B4GALT5: variants seen among roughly 807,000 people sequenced by gnomAD.
B4GALT5 encodes the protein beta-1,4-galactosyltransferase 5.
In B4GALT5, 11 loss-of-function variants were observed where a neutral mutation model predicts 45.0. The observed-to-expected ratio is 0.24, with a 90% confidence interval of 0.15 to 0.40. B4GALT5 has a LOEUF of 0.40. Ranked by LOEUF, B4GALT5 falls within the 10% of genes least tolerant of loss-of-function variation. The pLI, the probability that B4GALT5 is intolerant of heterozygous loss-of-function variation, is 1.00. For synonymous variants in B4GALT5, 185 were observed against 182.9 expected (o/e 1.01, Z -0.09); for missense variants, 337 against 500.2 (o/e 0.67, Z 3.11).
chr20:49,662,217 C>T (rs1274017276), intron 1 of B4GALT5, among the ~76,000 whole-genome samples: 3 of 152,132 alleles, frequency 2.0e-5, no homozygotes, highest in African/African-American at 4.8e-5. Context: ...AAACCATTCC[C>T]TTCCTGACCA....
intron 1 of B4GALT5, among the ~76,000 whole-genome samples, chr20:49,667,538 C>A (rs1032768199): frequency 5.9e-5 from 9 of 151,474 alleles, no homozygotes; most frequent in African/African-American, 2.2e-4. Flanking sequence ...CAGGTGTGAG[C>A]CACCGCGCCC....
intron 2 of B4GALT5, among the ~76,000 whole-genome samples, chr20:49,655,627 G>C (rs2085639390): frequency 6.6e-6 from 1 of 151,818 alleles, no homozygotes; most frequent in African/African-American, 2.4e-5. Flanking sequence ...TTCAGTTTTT[G>C]AAAGAGTTGA....
Position 49,640,652 on chromosome 20 carries a change from G to C in B4GALT5, c.620C>G (p.Pro207Arg). ...GTTGAAAAGCATGGCTCGATTAAAG[G>C]GTTGGGTACCAACCTAAAAGAAACA... ...FYVVEQVGTQ[P>R]FNRAMLFNVG... is the part of the protein sequence containing the mutation. The change falls in exon 6 of 9, where the codon CCC becomes CGC. Residue 207 changes from proline to arginine, a missense_variant. By Grantham distance (103) the Pro-to-Arg change is moderately radical (BLOSUM62 -2). Transcript: ENST00000371711. The C allele has an allele frequency of 6.2e-7, 1 of 1,604,648 alleles. No individual in the cohort carries two copies.
At chr20:49,688,045 A>C (rs879817947) in intron 1 of B4GALT5, among the ~76,000 whole-genome samples, 8 of 152,140 alleles carry the variant, frequency 5.3e-5, no homozygotes, top group Non-Finnish European at 1.2e-4. Context: ...GGTGCCAGGA[A>C]GGAGGCTGAG....
chr20:49,708,095 A>T (rs1226468568), intron 1 of B4GALT5, among the ~76,000 whole-genome samples: 1 of 150,832 alleles, frequency 6.6e-6, no homozygotes, highest in Admixed American at 6.6e-5. Context: ...AAAAAAAAAA[A>T]ATAGCTGGGC....
chr20:49,677,869 C>T (rs1235954600), intron 1 of B4GALT5, among the ~76,000 whole-genome samples: 4 of 152,210 alleles, frequency 2.6e-5, no homozygotes, highest in Admixed American at 2.6e-4. Flanking sequence ...CCTCAGCCTC[C>T]TGAGTAGCTG....
At chr20:49,708,981 T>C (rs899176597) in intron 1 of B4GALT5, among the ~76,000 whole-genome samples, 7 of 151,746 alleles carry the variant, frequency 4.6e-5, no homozygotes, top group Non-Finnish European at 5.9e-5. Context: ...CCCCTAACCA[T>C]GCACAGGCAC....
intron 7 of B4GALT5, among the ~76,000 whole-genome samples, 159 bp downstream of exon 7, chr20:49,639,519 A>G (rs1007429080): frequency 7.2e-5 from 11 of 152,188 alleles, no homozygotes; most frequent in Middle Eastern, 3.4e-3. Flanking sequence ...GTGAGCCATC[A>G]CAGCTGGTCA....
At chr20:49,673,471 CT>C (rs2085724457) in intron 1 of B4GALT5, among the ~76,000 whole-genome samples, 1 of 152,092 alleles carries the variant, frequency 6.6e-6, no homozygotes, top group South Asian at 2.1e-4. Context: ...GGCCTGAACT[CT>C]TTCTCAAAGA....
intron 7 of B4GALT5, among the ~76,000 whole-genome samples, chr20:49,639,302 T>TATTTTTAA (rs2085566141): frequency 6.6e-6 from 1 of 152,206 alleles, no homozygotes; most frequent in Non-Finnish European, 1.5e-5. Flanking sequence ...TTTTTTAAGA[T>TATTTTTAA]ATTAAGATAT....
chr20:49,648,074 T>C (rs1243682326), intron 2 of B4GALT5, among the ~76,000 whole-genome samples: 1 of 152,238 alleles, frequency 6.6e-6, no homozygotes, highest in Non-Finnish European at 1.5e-5. Flanking sequence ...AGAGCTCTTG[T>C]TTCCTGAATG....
chr20:49,657,750 G>C (rs551319271), intron 1 of B4GALT5, among the ~76,000 whole-genome samples: 3 of 152,078 alleles, frequency 2.0e-5, no homozygotes, highest in Non-Finnish European at 4.4e-5. Context: ...TGTGGATTCC[G>C]GCTCTTTGAC....
chr20:49,689,196 G>C (rs927005012), intron 1 of B4GALT5, among the ~76,000 whole-genome samples: 6 of 152,010 alleles, frequency 3.9e-5, no homozygotes, highest in African/African-American at 1.5e-4. Context: ...CAATTATACA[G>C]GATTTATGTT....
intron 1 of B4GALT5, among the ~76,000 whole-genome samples, chr20:49,712,891 A>G (rs2085922788): frequency 7.6e-6 from 1 of 130,920 alleles, no homozygotes; most frequent in Non-Finnish European, 1.6e-5. Context: ...TTAGCAGGAG[A>G]TTGAATGGGG....
At chr20:49,713,175 G>A (rs576270037) in intron 1 of B4GALT5, among the ~76,000 whole-genome samples, 1 of 151,634 alleles carries the variant, frequency 6.6e-6, no homozygotes, top group Non-Finnish European at 1.5e-5. Flanking sequence ...GGGGTGCGGG[G>A]AATGCCGGGA....
chr20:49,681,216 T>TAAAAAAAAA, intron 1 of B4GALT5, among the ~76,000 whole-genome samples: 1 of 72,438 alleles, frequency 1.4e-5, no homozygotes, highest in Admixed American at 1.7e-4. Context: ...ACCCCATCTC[T>TAAAAAAAAA]AAAAAAAAAA....
chr20:49,711,368 T>C (rs80023364), intron 1 of B4GALT5, among the ~76,000 whole-genome samples: 3,738 of 152,316 alleles, frequency 0.025, 154 homozygotes, highest in African/African-American at 0.085. Context: ...AATTGATAAG[T>C]TCCATTTCTG....
intron 1 of B4GALT5, among the ~76,000 whole-genome samples, chr20:49,673,881 A>T (rs1008625911): frequency 6.6e-6 from 1 of 152,006 alleles, no homozygotes; most frequent in Non-Finnish European, 1.5e-5. Flanking sequence ...CTCCAGATGG[A>T]AGATAATGCT....
chr20:49,684,753 C>G, intron 1 of B4GALT5: 1 of 471,636 alleles, frequency 2.1e-6, no homozygotes, highest in Non-Finnish European at 4.2e-6. Flanking sequence ...CCCCAGAGAA[C>G]AGAGGTGGCA....
Sources: gnomAD v4.1 joint callset for allele counts (sites outside exome capture counted in the v4.1 genomes callset) on GRCh38, gnomAD v4.1.1 for gene constraint, MANE v1.5 for transcripts, NCBI Gene and HGNC (gene_info 2026-07-23, HGNC 2026-07-21) for gene names.